Variants in BAZ1B observed in about 807,000 individuals in gnomAD.
The protein encoded by BAZ1B is tyrosine-protein kinase BAZ1B.
Under a neutral mutation model 153.8 loss-of-function variants are expected in BAZ1B, and 22 were observed. That is an observed-to-expected ratio of 0.14 (90% CI 0.10 to 0.20). The LOEUF (loss-of-function observed/expected upper bound fraction) is 0.20, where lower values mean the gene tolerates loss of function less well. Ranked by LOEUF, BAZ1B falls within the 10% of genes least tolerant of loss-of-function variation. The pLI, the probability that BAZ1B is intolerant of heterozygous loss-of-function variation, is 1.00. For synonymous variants in BAZ1B, 676 were observed against 633.4 expected (o/e 1.07, Z -1.01); for missense variants, 1,325 against 1,799.3 (o/e 0.74, Z 4.77).
At chr7:73,449,793 A>G in intron 14 of BAZ1B, 104 bp from the exon 15 acceptor site, 1 of 1,277,300 alleles carries the variant, frequency 7.8e-7, no homozygotes, top group Non-Finnish European at 1.1e-6. Flanking sequence ...ACGAGGAGAC[A>G]TGTTCCATAG....
chr7:73,449,717 T>C (rs1554567760), intron 14 of BAZ1B, 28 bp from the exon 15 acceptor site: 9 of 1,611,016 alleles, frequency 5.6e-6, no homozygotes, highest in South Asian at 3.3e-5. Flanking sequence ...TGAATAGCAT[T>C]GTTGGGAGCA....
At chr7:73,469,185 A>G (rs1452144441) in intron 9 of BAZ1B, among the ~76,000 whole-genome samples, 3 of 152,002 alleles carry the variant, frequency 2.0e-5, no homozygotes, top group Non-Finnish European at 4.4e-5. Context: ...TGCCCTTCTT[A>G]GACCCCATAC....
At chr7:73,458,118 G>T (rs111667536) in intron 13 of BAZ1B, among the ~76,000 whole-genome samples, 1 of 152,180 alleles carries the variant, frequency 6.6e-6, no homozygotes, top group Non-Finnish European at 1.5e-5. Flanking sequence ...TGGGGCTTGC[G>T]ACTGGCATCT....
At chr7:73,464,229 A>G in intron 11 of BAZ1B, 1 of 916,168 alleles carries the variant, frequency 1.1e-6, no homozygotes, top group South Asian at 5.1e-5. Context: ...GCACAGAGTC[A>G]GCAATGAGAG....
intron 12 of BAZ1B, among the ~76,000 whole-genome samples, chr7:73,460,457 T>C (rs1271910626): frequency 1.3e-5 from 2 of 152,160 alleles, no homozygotes; most frequent in African/African-American, 4.8e-5. Context: ...TAACTAACTA[T>C]ATGTAAGGTA....
intron 3 of BAZ1B, among the ~76,000 whole-genome samples, chr7:73,500,428 A>G (rs1454262718): frequency 2.0e-5 from 3 of 152,158 alleles, no homozygotes; most frequent in Non-Finnish European, 4.4e-5. Flanking sequence ...CAGTGATTCC[A>G]GCTACTAGGG....
At chr7:73,501,599 G>C (rs1554577167) in intron 3 of BAZ1B, among the ~76,000 whole-genome samples, 2 of 152,126 alleles carry the variant, frequency 1.3e-5, no homozygotes, top group African/African-American at 4.8e-5. Flanking sequence ...GCACCCACTA[G>C]AATCATCTGT....
chr7:73,501,049 G>T (rs1460641788), intron 3 of BAZ1B, among the ~76,000 whole-genome samples: 1 of 152,128 alleles, frequency 6.6e-6, no homozygotes, highest in African/African-American at 2.4e-5. Flanking sequence ...CTGAGGTCGG[G>T]AGTTCGAGAC....
chr7:73,464,859 A>C (rs2116293639), intron 11 of BAZ1B, among the ~76,000 whole-genome samples: 1 of 151,972 alleles, frequency 6.6e-6, no homozygotes, highest in African/African-American at 2.4e-5. Flanking sequence ...CCAAGTAGCT[A>C]AGACTACATA....
chr7:73,495,209 T>C (rs1281195751), intron 4 of BAZ1B, among the ~76,000 whole-genome samples: 3 of 152,108 alleles, frequency 2.0e-5, no homozygotes, highest in Admixed American at 1.3e-4. Flanking sequence ...CTTGAACCCA[T>C]GAGGCGAAGG....
At position 73,483,542 on chromosome 7, in the gene BAZ1B, AACTT is replaced by A. The variant is rs1554574015; in HGVS notation, c.892-4977_892-4974del. 4.6e-5 allele frequency among the ~76,000 whole-genome samples: 7 copies of A among 152,308 alleles called. No homozygotes were observed. The South Asian group carries it at 1.0e-3, about 23-fold the overall frequency. On this transcript the variant is annotated intron_variant, in intron 6 of 19. Transcript: ENST00000339594. The stretch of plus-strand genomic sequence containing the variant: ...ATTTAAAGTGTTCTCAAAATAATAT[AACTT>A]ACTTTTCATTTTTTTTCTTCTAGCA...
At position 73,507,441 on chromosome 7, in the gene BAZ1B, T is replaced by C. The variant is rs117788606; in HGVS notation, c.369+886A>G. 8.6e-3 allele frequency among the ~76,000 whole-genome samples: 1,304 copies of C among 151,784 alleles called. 10 individuals are homozygous for C. The highest frequency in any genetic ancestry group is 0.017 in the Middle Eastern group (5 of 294). Reference sequence around the variant, plus strand: ...GCGCACACCTGTGGTCCCAGCTACATGGAGGGTGACATGAGAGGATCGCTT... The same window carrying C: ...GCGCACACCTGTGGTCCCAGCTACACGGAGGGTGACATGAGAGGATCGCTT... On this transcript the variant is annotated intron_variant, in intron 3 of 19. Coordinates refer to ENST00000339594, the MANE Select transcript of BAZ1B (RefSeq NM_032408.4).
chr7:73,442,587 G>A, intron 18 of BAZ1B, 34 bp from the exon 19 acceptor site: 6 of 1,582,786 alleles, frequency 3.8e-6, no homozygotes, highest in South Asian at 1.1e-5. Context: ...AATCTGCACA[G>A]CCTTGACGGC....
intron 4 of BAZ1B, among the ~76,000 whole-genome samples, chr7:73,494,206 AC>A (rs1554576094): frequency 6.6e-6 from 1 of 152,050 alleles, no homozygotes; most frequent in African/African-American, 2.4e-5. Flanking sequence ...GCATGGTGAA[AC>A]CCTGTCTCTA....
intron 9 of BAZ1B, among the ~76,000 whole-genome samples, chr7:73,466,903 A>C (rs1297759793): frequency 6.6e-6 from 1 of 152,144 alleles, no homozygotes; most frequent in African/African-American, 2.4e-5. Context: ...AGCCTATCTT[A>C]GATCATCACA....
chr7:73,514,337 C>T (rs1554578960), intron 1 of BAZ1B, among the ~76,000 whole-genome samples: 1 of 152,088 alleles, frequency 6.6e-6, no homozygotes, highest in Admixed American at 6.6e-5. Context: ...TCGAGACCAG[C>T]GTGGCCAACA....
At chr7:73,503,478 C>T (rs946256665) in intron 3 of BAZ1B, among the ~76,000 whole-genome samples, 3 of 151,832 alleles carry the variant, frequency 2.0e-5, no homozygotes, top group African/African-American at 7.3e-5. Flanking sequence ...TGAGTTCAAG[C>T]GATCCTCTTG....
chr7:73,464,263 C>T (rs1788496740), intron 11 of BAZ1B: 1 of 603,730 alleles, frequency 1.7e-6, no homozygotes. Flanking sequence ...AAAATCTTGT[C>T]CTGGCTTTGA....
chr7:73,458,576 T>C (rs951389308), intron 13 of BAZ1B, among the ~76,000 whole-genome samples: 1 of 150,522 alleles, frequency 6.6e-6, no homozygotes, highest in Non-Finnish European at 1.5e-5. Context: ...CTTGGGAGGC[T>C]GAGGCAGGGG....
Sources: gnomAD v4.1 joint callset for allele counts (sites outside exome capture counted in the v4.1 genomes callset) on GRCh38, gnomAD v4.1.1 for gene constraint, MANE v1.5 for transcripts, NCBI Gene and HGNC (gene_info 2026-07-23, HGNC 2026-07-21) for gene names.